Variants in EOGT observed in about 807,000 individuals in gnomAD.
EOGT encodes EGF domain specific O-linked N-acetylglucosamine transferase, also known as EGF domain-specific O-linked N-acetylglucosamine transferase.
A neutral mutation model predicts 70.5 loss-of-function variants in EOGT; 55 were observed. That is an observed-to-expected ratio of 0.78 (90% CI 0.63 to 0.98). The LOEUF (loss-of-function observed/expected upper bound fraction) is 0.98, where lower values mean the gene tolerates loss of function less well. EOGT is among the 50% of genes least tolerant of loss of function. The probability of loss-of-function intolerance (pLI) is 0.00; values close to 1 mark genes in which losing one functional copy is unlikely to be tolerated. For missense variants in EOGT, 703 were observed against 641.9 expected (o/e 1.10, Z -1.03); for synonymous variants, 246 against 217.1 (o/e 1.13, Z -1.17).
Position 68,982,842 on chromosome 3 carries a change from A to C in EOGT, c.1183T>G (p.Phe395Val). The C allele has an allele frequency of 6.2e-7, 1 of 1,605,300 alleles. No individual in the cohort carries two copies. The highest frequency in any genetic ancestry group is 1.7e-5 in the Admixed American group (1 of 58,866). ...TTGTAATCAACAATCTGGACTTCAA[A>C]TGTAGATACTGTTTTCAGTGCATTT... is the stretch of plus-strand genomic sequence containing the variant. Reference protein sequence around the residue: ...LVNALKTVSTFEVQIVDYKYR... With the variant: ...LVNALKTVSTVEVQIVDYKYR... The change falls in exon 15 of 18, where the codon TTT becomes GTT. Residue 395 changes from phenylalanine (F) to valine (V), a missense_variant. Transcript: ENST00000383701.
At chr3:69,010,021 T>A (rs1447526025) in intron 3 of EOGT, among the ~76,000 whole-genome samples, 161 bp from the exon 4 acceptor site, 2 of 152,092 alleles carry the variant, frequency 1.3e-5, no homozygotes, top group Non-Finnish European at 2.9e-5. Context: ...TTTATTCAAT[T>A]TTTTTTGAGC....
At chr3:68,988,904 T>C in intron 11 of EOGT, 21 bp downstream of exon 11, 1 of 1,353,806 alleles carries the variant, frequency 7.4e-7, no homozygotes, top group South Asian at 1.3e-5. Flanking sequence ...TTCACAGACA[T>C]TTCAGGAAAA....
rs2090709377 is a variant in EOGT at position 68,983,419 on chromosome 3, T to C, written c.1153-547A>G. On this transcript the variant is annotated intron_variant, in intron 14 of 17. Coordinates refer to ENST00000383701, the MANE Select transcript of EOGT (RefSeq NM_001278689.2). ...CTACATAGAAAAACAATTATTCTTC[T>C]AGCAAACAGAAAGTAACAAAGCATT... is the stretch of plus-strand genomic sequence containing the variant. Among the ~76,000 whole-genome samples, 3 of 152,248 alleles carry C rather than the reference T, an allele frequency of 2.0e-5. No individual in the cohort carries two copies. The South Asian group carries it at 6.2e-4, about 32-fold the overall frequency.
intron 10 of EOGT, among the ~76,000 whole-genome samples, chr3:68,997,721 T>C (rs962689164): frequency 1.3e-5 from 2 of 152,116 alleles, no homozygotes; most frequent in Non-Finnish European, 2.9e-5. Context: ...CCAAAGTCAC[T>C]GAATCTCTGG....
intron 14 of EOGT, among the ~76,000 whole-genome samples, chr3:68,984,238 C>T (rs1298363283): frequency 2.0e-5 from 3 of 152,120 alleles, no homozygotes; most frequent in Admixed American, 2.0e-4. Context: ...CACACACACA[C>T]ACACGCACAC....
chr3:68,988,262 A>G, intron 13 of EOGT, 33 bp downstream of exon 13: 2 of 1,415,470 alleles, frequency 1.4e-6, no homozygotes, highest in South Asian at 1.3e-5. Flanking sequence ...AGAAAACTCA[A>G]GCCCACCTCA....
chr3:68,992,631 T>C (rs1474855390), intron 10 of EOGT, among the ~76,000 whole-genome samples: 7 of 152,178 alleles, frequency 4.6e-5, no homozygotes, highest in Non-Finnish European at 1.0e-4. Flanking sequence ...TGGAGGATGA[T>C]GGCCCTCTTC....
chr3:68,982,927 T>C (rs1434955675), intron 14 of EOGT, 55 bp from the exon 15 acceptor site: 2 of 1,429,442 alleles, frequency 1.4e-6, no homozygotes, highest in Non-Finnish European at 1.9e-6. Flanking sequence ...ACTTCTGTTT[T>C]TCCCTTATGA....
At chr3:68,986,031 C>G (rs375095346) in intron 14 of EOGT, among the ~76,000 whole-genome samples, 7 of 152,180 alleles carry the variant, frequency 4.6e-5, no homozygotes, top group African/African-American at 1.4e-4. Flanking sequence ...AACATGGCAT[C>G]TCTCTGGCCC....
At chr3:69,011,193 C>CTTTTTTTTTTTTTTTTTTT (rs57904466) in intron 3 of EOGT, among the ~76,000 whole-genome samples, 7 of 113,272 alleles carry the variant, frequency 6.2e-5, no homozygotes, top group Non-Finnish European at 8.6e-5. Flanking sequence ...GATCTTTGTT[C>CTTTTTTTTTTTTTTTTTTT]TTTTTTTTTT....
At chr3:69,013,329 C>T (rs938897187) in intron 1 of EOGT, among the ~76,000 whole-genome samples, 4 of 151,708 alleles carry the variant, frequency 2.6e-5, no homozygotes, top group Non-Finnish European at 5.9e-5. Context: ...GCCCGGGGCC[C>T]GCCTGCGCTC....
Position 68,988,470 on chromosome 3 carries a change from G to A in EOGT, c.996+36C>T, listed in dbSNP as rs1283964922. On this transcript the variant is annotated intron_variant, in intron 12 of 17. Coordinates refer to ENST00000383701, the MANE Select transcript of EOGT (RefSeq NM_001278689.2). Reference sequence around the variant, plus strand: ...CAACTTATGTATAAATGTTATGTCTGTAAATATGAATGCTAATGGTAGACA... The same window carrying A: ...CAACTTATGTATAAATGTTATGTCTATAAATATGAATGCTAATGGTAGACA... The A allele has an allele frequency of 8.0e-6, 12 of 1,499,624 alleles. No homozygotes were observed. The Admixed American group carries it at 2.0e-4, about 25-fold the overall frequency. The allele number at this position is 1,499,624 out of a possible 1,614,324, so 92.9% of individuals were successfully genotyped here.
intron 10 of EOGT, among the ~76,000 whole-genome samples, chr3:68,990,406 G>A (rs2090957884): frequency 7.2e-6 from 1 of 139,066 alleles, no homozygotes; most frequent in Non-Finnish European, 1.5e-5. Context: ...AGGCTAGAGT[G>A]CCATGTCGTG....
chr3:69,010,987 C>T (rs758261438), intron 3 of EOGT, among the ~76,000 whole-genome samples: 27 of 152,128 alleles, frequency 1.8e-4, no homozygotes, highest in Non-Finnish European at 3.7e-4. Context: ...GACTTAGAAA[C>T]TCCAGGACAC....
At chr3:69,011,193 C>CTTTTTTTTTTTTTTT (rs57904466) in intron 3 of EOGT, among the ~76,000 whole-genome samples, 18 of 113,286 alleles carry the variant, frequency 1.6e-4, no homozygotes, top group Non-Finnish European at 6.9e-5. Flanking sequence ...GATCTTTGTT[C>CTTTTTTTTTTTTTTT]TTTTTTTTTT....
intron 10 of EOGT, among the ~76,000 whole-genome samples, chr3:68,992,984 A>G (rs1464259945): frequency 6.6e-6 from 1 of 152,192 alleles, no homozygotes; most frequent in Non-Finnish European, 1.5e-5. Flanking sequence ...TAGGCTGCAT[A>G]CAGCATGGGG....
rs1383027563 is a variant in EOGT at position 69,007,699 on chromosome 3, A to G, written c.420+14T>C. 2.0e-6 allele frequency: 3 copies of G among 1,498,572 alleles called. No homozygotes were observed. The highest frequency in any genetic ancestry group is 2.7e-6 in the Non-Finnish European group (3 of 1,091,174). The allele number at this position is 1,498,572 out of a possible 1,614,324, so 92.8% of individuals were successfully genotyped here. A position where few individuals can be genotyped will look rare whatever the true frequency, so the allele number is the denominator to read the frequency against. The stretch of plus-strand genomic sequence containing the variant: ...AAATAAACAAGTTTATTTAGTAAGG[A>G]GCAAAATACCCACCGTTTCCTTAGG... On this transcript the variant is annotated intron_variant, in intron 6 of 17. Transcript: ENST00000383701.
At chr3:69,000,931 C>A (rs1386817575) in intron 9 of EOGT, among the ~76,000 whole-genome samples, 1 of 151,960 alleles carries the variant, frequency 6.6e-6, no homozygotes, top group Admixed American at 6.6e-5. Flanking sequence ...ACTTCTTTCC[C>A]ACCCATACTA....
intron 9 of EOGT, among the ~76,000 whole-genome samples, chr3:69,000,421 C>T (rs996913350): frequency 2.0e-5 from 3 of 152,108 alleles, no homozygotes; most frequent in African/African-American, 7.2e-5. Flanking sequence ...GTTTTCTTTG[C>T]CCCTTTTTAA....
Sources: gnomAD v4.1 joint callset for allele counts (sites outside exome capture counted in the v4.1 genomes callset) on GRCh38, gnomAD v4.1.1 for gene constraint, MANE v1.5 for transcripts, NCBI Gene and HGNC (gene_info 2026-07-23, HGNC 2026-07-21) for gene names.